PDE10A: variants seen among roughly 807,000 people sequenced by gnomAD.
PDE10A encodes cAMP and cAMP-inhibited cGMP 3',5'-cyclic phosphodiesterase 10A.
In PDE10A, 39 loss-of-function variants were observed where a neutral mutation model predicts 97.7. The observed-to-expected ratio is 0.40, with a 90% CI of 0.31 to 0.52. The LOEUF (loss-of-function observed/expected upper bound fraction) is 0.52, where lower values mean the gene tolerates loss of function less well. Among genes scored for constraint, PDE10A ranks in the 20% least tolerant of loss-of-function variants. The probability of loss-of-function intolerance (pLI) is 0.56; values close to 1 mark genes in which losing one functional copy is unlikely to be tolerated. For synonymous variants in PDE10A, 371 were observed against 376.8 expected, an observed-to-expected ratio of 0.98 and a Z score of 0.18; for missense variants, 731 against 1,047.8, an observed-to-expected ratio of 0.70 and a Z score of 4.17.
At chr6:165,962,614 T>C (rs1223219692) in intron 1 of PDE10A, among the ~76,000 whole-genome samples, 1 of 152,206 alleles carries the variant, frequency 6.6e-6, no homozygotes, top group Non-Finnish European at 1.5e-5. Flanking sequence ...GCCATGCACA[T>C]TTTGGTCCAT....
At chr6:165,768,800 A>T (rs1469838313) in intron 1 of PDE10A, among the ~76,000 whole-genome samples, 2 of 152,256 alleles carry the variant, frequency 1.3e-5, no homozygotes, top group East Asian at 3.9e-4. Flanking sequence ...TTTGAGTCAA[A>T]TCTTGCAGTA....
Position 165,343,451 on chromosome 6 carries a change from T to C in PDE10A, c.2835A>G (p.Thr945=). The C allele has an allele frequency of 1.2e-6, 2 of 1,614,110 alleles. No individual in the cohort carries two copies. Among genetic ancestry groups the C allele is most frequent in the African/African-American group, 2.7e-5 (2 of 75,056 alleles). Residue 945 remains threonine, a synonymous_variant, in exon 19 of 22, where the codon ACA becomes ACG. Coordinates refer to ENST00000539869, the MANE Select transcript of PDE10A (RefSeq NM_001385079.1). ...MMTACDLCSV[T]KLWPVTKLTA... ...TCAATTTTGTAACGGGCCACAGTTT[T>C]GTCACAGAACAAAGGTCACAGGCAG...
chr6:165,709,336 G>A (rs1370689325), intron 1 of PDE10A, among the ~76,000 whole-genome samples: 1 of 107,634 alleles, frequency 9.3e-6, no homozygotes, highest in Non-Finnish European at 1.9e-5. Flanking sequence ...GCTATGCTGT[G>A]GTGCTCTCTC....
chr6:165,702,921 C>T (rs1791616461), intron 1 of PDE10A, among the ~76,000 whole-genome samples: 1 of 152,200 alleles, frequency 6.6e-6, no homozygotes, highest in African/African-American at 2.4e-5. Flanking sequence ...TGAACACTGC[C>T]CCAGAGCAGA....
At chr6:165,608,704 T>C (rs1270887116) in intron 1 of PDE10A, among the ~76,000 whole-genome samples, 4 of 152,184 alleles carry the variant, frequency 2.6e-5, no homozygotes, top group Admixed American at 2.6e-4. Context: ...TCCACAATGG[T>C]TGAACTAGTT....
At chr6:165,848,502 T>C (rs1012376243) in intron 1 of PDE10A, among the ~76,000 whole-genome samples, 1 of 152,212 alleles carries the variant, frequency 6.6e-6, no homozygotes, top group Admixed American at 6.5e-5. Context: ...AAATTCCATA[T>C]GCTATTAATT....
intron 1 of PDE10A, among the ~76,000 whole-genome samples, chr6:165,973,047 G>T (rs1784734502): frequency 6.6e-6 from 1 of 151,678 alleles, no homozygotes; most frequent in South Asian, 2.1e-4. Flanking sequence ...TTAGGACTCA[G>T]TAAAAATAAA....
At chr6:165,687,181 C>G (rs760159673) in intron 1 of PDE10A, among the ~76,000 whole-genome samples, 11 of 152,236 alleles carry the variant, frequency 7.2e-5, no homozygotes, top group African/African-American at 9.6e-5. Flanking sequence ...AGGAAGGGCC[C>G]CTCTGCCTGC....
At chr6:165,355,362 C>T (rs1293849366) in intron 18 of PDE10A, among the ~76,000 whole-genome samples, 1 of 152,132 alleles carries the variant, frequency 6.6e-6, no homozygotes, top group Non-Finnish European at 1.5e-5. Context: ...GTCAATGTCC[C>T]TCATCGAACC....
At chr6:165,712,334 A>T (rs928029517) in intron 1 of PDE10A, among the ~76,000 whole-genome samples, 1 of 152,116 alleles carries the variant, frequency 6.6e-6, no homozygotes, top group Non-Finnish European at 1.5e-5. Flanking sequence ...ACAACACGTG[A>T]TGTGCGGCTT....
At chr6:165,910,854 T>A (rs1782434812) in intron 1 of PDE10A, 1 of 152,210 alleles carries the variant, frequency 6.6e-6, no homozygotes, top group Non-Finnish European at 1.5e-5. Flanking sequence ...TTCCAAGCCA[T>A]GGTTTCGGCA....
chr6:165,527,538 CA>C (rs1237366604), intron 2 of PDE10A, among the ~76,000 whole-genome samples: 1 of 152,144 alleles, frequency 6.6e-6, no homozygotes, highest in Non-Finnish European at 1.5e-5. Flanking sequence ...TTTTGAGAGA[CA>C]GCTATTGGCC....
intron 1 of PDE10A, among the ~76,000 whole-genome samples, chr6:165,575,964 C>T (rs1019441650): frequency 1.3e-5 from 2 of 152,174 alleles, no homozygotes; most frequent in African/African-American, 4.8e-5. Flanking sequence ...TCTCAGTCTT[C>T]ATCTCCCTTG....
intron 1 of PDE10A, among the ~76,000 whole-genome samples, chr6:165,874,921 C>G (rs1033914428): frequency 1.3e-5 from 2 of 152,102 alleles, no homozygotes; most frequent in Non-Finnish European, 2.9e-5. Context: ...AGAAAGGACA[C>G]TGGGTCAGTA....
At chr6:165,410,771 G>T (rs1787690070) in intron 13 of PDE10A, among the ~76,000 whole-genome samples, 1 of 151,716 alleles carries the variant, frequency 6.6e-6, no homozygotes, top group Non-Finnish European at 1.5e-5. Flanking sequence ...TAATTGTGAG[G>T]AAACACCAGA....
chr6:165,714,247 G>A lies in PDE10A; in HGVS notation c.-614-170679C>T, dbSNP rs117816041. 3.9e-5 allele frequency among the ~76,000 whole-genome samples: 6 copies of A among 152,308 alleles called. No individual in the cohort carries two copies. In the East Asian group the frequency reaches 9.6e-4, roughly 24 times the overall value. ...TGGGCAGTCAGGATTTCCTACTGAC[G>A]CCCACCCTTGACCCGATGGGAGCCT... On this transcript the variant is annotated intron_variant, in intron 1 of 19. Transcript: ENST00000366882.
intron 1 of PDE10A, among the ~76,000 whole-genome samples, chr6:165,857,031 C>T (rs149264624): frequency 1.6e-4 from 25 of 152,334 alleles, no homozygotes; most frequent in African/African-American, 6.0e-4. Flanking sequence ...TCAAATTCAT[C>T]ACCCAAGATA....
intron 1 of PDE10A, among the ~76,000 whole-genome samples, chr6:165,586,873 G>C (rs898149444): frequency 1.3e-5 from 2 of 151,826 alleles, no homozygotes; most frequent in African/African-American, 4.8e-5. Context: ...TTTTATATTT[G>C]CCTTGAAAAA....
At chr6:165,699,582 T>C (rs1791519792) in intron 1 of PDE10A, among the ~76,000 whole-genome samples, 1 of 152,138 alleles carries the variant, frequency 6.6e-6, no homozygotes, top group Non-Finnish European at 1.5e-5. Context: ...ATAGACTATA[T>C]GCTAGGCCAT....
Sources: allele counts gnomAD v4.1 joint callset (sites outside exome capture counted in the v4.1 genomes callset), GRCh38; gene constraint gnomAD v4.1.1; transcripts MANE v1.5; gene names NCBI Gene and HGNC (gene_info 2026-07-23, HGNC 2026-07-21).